Variants in UBR1 observed in about 807,000 individuals in gnomAD.
UBR1 encodes the protein E3 ubiquitin-protein ligase UBR1.
UBR1 carries 102 observed loss-of-function variants against 242.1 expected under a neutral mutation model. The ratio of observed to expected loss-of-function variants is 0.42; its 90% CI spans 0.36 to 0.50. The LOEUF (loss-of-function observed/expected upper bound fraction) is 0.50, where lower values mean the gene tolerates loss of function less well. Among genes scored for constraint, UBR1 ranks in the 20% least tolerant of loss-of-function variants. UBR1 has a pLI of 0.01. For missense variants in UBR1, 1,772 were observed against 2,101.8 expected (o/e 0.84, Z 3.07); for synonymous variants, 675 against 684.8 (o/e 0.99, Z 0.22).
intron 29 of UBR1, among the ~76,000 whole-genome samples, chr15:43,011,361 C>A (rs1267804492): frequency 6.6e-6 from 1 of 152,062 alleles, no homozygotes; most frequent in African/African-American, 2.4e-5. Context: ...GTTAAAGAAA[C>A]AGGGACAAAA....
At chr15:43,105,906 G>T in intron 1 of UBR1, 36 bp downstream of exon 1, 4 of 1,601,070 alleles carry the variant, frequency 2.5e-6, no homozygotes, top group Non-Finnish European at 3.4e-6. Flanking sequence ...GAGGGACCGG[G>T]GGGAGGACAA....
intron 1 of UBR1, among the ~76,000 whole-genome samples, chr15:43,087,874 GGAACATAAAGCAAAAGTT>G (rs1367869914): frequency 6.6e-6 from 1 of 151,968 alleles, no homozygotes; most frequent in Non-Finnish European, 1.5e-5. Context: ...GTCCTGATAT[GGAACATAAAGCAAAAGTT>G]ACACAACAGT....
chr15:43,047,637 T>C lies in UBR1; in HGVS notation c.1540-348A>G, dbSNP rs555271669. ...AGTATTAGAAGCTAACAAGTGAAGA[T>C]ACTAAATGTAGATGAATTAAGAGTA... On this transcript the variant is annotated intron_variant, in intron 13 of 46. Coordinates refer to ENST00000290650, the MANE Select transcript of UBR1 (RefSeq NM_174916.3). 1.1e-4 allele frequency among the ~76,000 whole-genome samples: 16 copies of C among 152,290 alleles called. No homozygotes were observed. The East Asian group carries it at 3.1e-3, about 29-fold the overall frequency.
chr15:42,957,620 C>A (rs576160901), intron 44 of UBR1, among the ~76,000 whole-genome samples: 1 of 152,268 alleles, frequency 6.6e-6, no homozygotes, highest in East Asian at 1.9e-4. Flanking sequence ...TGCCTGTAAT[C>A]CCAACATTTT....
chr15:43,058,238 T>C, intron 10 of UBR1, 103 bp downstream of exon 10: 5 of 912,856 alleles, frequency 5.5e-6, no homozygotes, highest in South Asian at 3.1e-5. Flanking sequence ...AAGAAATAAA[T>C]CATAACATTT....
chr15:42,983,960 C>T lies in UBR1; in HGVS notation c.4087G>A (p.Val1363Ile). The T allele has an allele frequency of 6.2e-7, 1 of 1,613,018 alleles. No homozygotes were observed. Among genetic ancestry groups the T allele is most frequent in the South Asian group, 1.1e-5 (1 of 90,888 alleles). Residue 1363 changes from valine (V) to isoleucine (I), a missense_variant, in exon 37 of 47, where the codon GTT becomes ATT. Physicochemically the swap from Val to Ile is conservative, Grantham distance 29. This residue lies in a region of UBR1 where 965 missense variants were observed against 1,079.7 expected (regional missense o/e 0.89). Transcript: ENST00000290650. Reference protein sequence around the residue: ...NGLKALMQFAVAQRITCPQVL... With the variant: ...NGLKALMQFAIAQRITCPQVL... ...TGAGGACAGGTAATCCTCTGTGCAA[C>T]TGCAAACTGCATTAATGCTTTCAGA...
At chr15:43,006,976 G>C in intron 30 of UBR1, 103 bp downstream of exon 30, 1 of 1,052,670 alleles carries the variant, frequency 9.5e-7, no homozygotes, top group South Asian at 1.3e-5. Context: ...TGGTATGGTA[G>C]ATATATAACC....
chr15:43,017,136 C>T lies in UBR1; in HGVS notation c.2986G>A (p.Val996Ile), dbSNP rs778559456. ...KRLREKSCLI[V>I]ATTSGSESIK... ...GATTCCGATCCTGATGTGGTTGCTA[C>T]AATTAAACAAGATTTTTCTCTTAAT... Residue 996 changes from valine to isoleucine, a missense_variant, in exon 28 of 47, where the codon GTA becomes ATA. Coordinates refer to ENST00000290650, the MANE Select transcript of UBR1 (RefSeq NM_174916.3). 2 of 1,613,758 alleles carry T rather than the reference C, an allele frequency of 1.2e-6. No homozygotes were observed. The highest frequency in any genetic ancestry group is 1.1e-5 in the South Asian group (1 of 91,072).
At chr15:43,082,965 AC>A (rs2033990222) in intron 2 of UBR1, among the ~76,000 whole-genome samples, 1 of 152,204 alleles carries the variant, frequency 6.6e-6, no homozygotes, top group South Asian at 2.1e-4. Context: ...CATTCTCATA[AC>A]TTTGGGCCTT....
At chr15:43,010,168 G>A (rs564401120) in intron 29 of UBR1, among the ~76,000 whole-genome samples, 8 of 152,158 alleles carry the variant, frequency 5.3e-5, no homozygotes, top group Non-Finnish European at 8.8e-5. Flanking sequence ...CACTGCGCCC[G>A]CCCTACTCTG....
At chr15:42,965,398 T>C (rs539140711) in intron 41 of UBR1, among the ~76,000 whole-genome samples, 2 of 152,232 alleles carry the variant, frequency 1.3e-5, no homozygotes, top group Admixed American at 6.5e-5. Flanking sequence ...TAAATATGCA[T>C]GGCCTAGGTT....
intron 39 of UBR1, 151 bp downstream of exon 39, chr15:42,976,566 T>G: frequency 1.1e-6 from 1 of 930,342 alleles, no homozygotes; most frequent in South Asian, 1.5e-5. Flanking sequence ...TTTCCTTGTT[T>G]AAACAGTATC....
chr15:42,943,374 C>T lies in UBR1; in HGVS notation c.*1955G>A, dbSNP rs2031681928. On this transcript the variant is annotated 3_prime_UTR_variant, in exon 47 of 47. Coordinates refer to ENST00000290650, the MANE Select transcript of UBR1 (RefSeq NM_174916.3). ...CAATGATTAAGGTAAATCACTAGGA[C>T]ATTTGAACATAATGAGAAATCCCTG... The T allele has an allele frequency of 6.6e-6, 1 of 152,574 alleles. No homozygotes were observed. 9.5% of individuals were successfully genotyped at this position (152,574 alleles called of 1,614,324 possible).
Position 43,056,390 on chromosome 15 carries a change from A to C in UBR1, c.1235T>G (p.Ile412Ser). The C allele has an allele frequency of 1.2e-6, 2 of 1,612,806 alleles. No individual in the cohort carries two copies. The highest frequency in any genetic ancestry group is 2.2e-5 in the East Asian group (1 of 44,798). Residue 412 changes from isoleucine to serine, a missense_variant, in exon 11 of 47, where the codon ATC (isoleucine) becomes AGC (serine). Ile to Ser is a moderately radical substitution (Grantham distance 142). Around this residue, in one of 3 missense-constraint regions of UBR1, gnomAD observed 734 missense variants for 893.3 expected, o/e 0.82. Coordinates refer to ENST00000290650, the MANE Select transcript of UBR1 (RefSeq NM_174916.3). Reference sequence around the variant, plus strand: ...CTGAACTGAAAGTGCAGTTATAGAGATACTTCTGTCATGATCATCACTGAT... The same window carrying C: ...CTGAACTGAAAGTGCAGTTATAGAGCTACTTCTGTCATGATCATCACTGAT... Reference protein sequence around the residue: ...EYISDDHDRSISITALSVQMF... With the variant: ...EYISDDHDRSSSITALSVQMF...
chr15:42,978,077 C>T, intron 37 of UBR1, 130 bp from the exon 38 acceptor site: 3 of 711,618 alleles, frequency 4.2e-6, no homozygotes, highest in South Asian at 3.2e-5. Context: ...TACATCACAC[C>T]TTTGAGATAT....
chr15:42,987,278 T>C (rs994698295), intron 35 of UBR1, among the ~76,000 whole-genome samples: 2 of 152,174 alleles, frequency 1.3e-5, no homozygotes, highest in South Asian at 2.1e-4. Context: ...AACCCACTCA[T>C]AGGAGCCCTC....
At chr15:42,986,851 C>T (rs1031781895) in intron 35 of UBR1, among the ~76,000 whole-genome samples, 11 of 152,338 alleles carry the variant, frequency 7.2e-5, no homozygotes, top group South Asian at 6.2e-4. Context: ...CAAAGGGTCC[C>T]GGCCAGAGGG....
At chr15:42,963,410 G>A (rs1486791221) in intron 42 of UBR1, among the ~76,000 whole-genome samples, 2 of 152,140 alleles carry the variant, frequency 1.3e-5, no homozygotes, top group African/African-American at 4.8e-5. Flanking sequence ...GAAGACTGGA[G>A]GTTAGCAGCA....
intron 1 of UBR1, among the ~76,000 whole-genome samples, chr15:43,092,558 G>C (rs538407700): frequency 6.6e-6 from 1 of 151,964 alleles, no homozygotes; most frequent in Non-Finnish European, 1.5e-5. Flanking sequence ...TTTGTGTATA[G>C]AATTTTTTTT....
Sources: allele counts gnomAD v4.1 joint callset (sites outside exome capture counted in the v4.1 genomes callset), GRCh38; gene constraint gnomAD v4.1.1; regional missense constraint gnomAD v4.1.1; transcripts MANE v1.5; gene names NCBI Gene and HGNC (gene_info 2026-07-23, HGNC 2026-07-21).